Variants in NTM observed in about 807,000 individuals in gnomAD.
NTM encodes IgLON family member 2.
A neutral mutation model predicts 42.1 loss-of-function variants in NTM; 13 were observed. The ratio of observed to expected loss-of-function variants is 0.31; its 90% confidence interval spans 0.20 to 0.49. The LOEUF is 0.49. Among genes scored for constraint, NTM ranks in the 20% least tolerant of loss-of-function variants. The probability of loss-of-function intolerance (pLI) is 0.99; values close to 1 mark genes in which losing one functional copy is unlikely to be tolerated. For missense variants in NTM, 373 were observed against 452.8 expected, an observed-to-expected ratio of 0.82 and a Z score of 1.60; for synonymous variants, 187 against 179.2, an observed-to-expected ratio of 1.04 and a Z score of -0.35.
intron 1 of NTM, among the ~76,000 whole-genome samples, chr11:131,848,987 T>C (rs1252789915): frequency 6.6e-6 from 1 of 152,240 alleles, no homozygotes; most frequent in Non-Finnish European, 1.5e-5. Context: ...ACAATTTTGC[T>C]GCTTAGAAAA....
intron 7 of NTM, among the ~76,000 whole-genome samples, chr11:132,324,861 T>C (rs1040835863): frequency 0.012 from 1,805 of 150,024 alleles, 30 homozygotes; most frequent in African/African-American, 0.042. Flanking sequence ...TGAGAAATAA[T>C]GCCACATATC....
chr11:131,792,965 A>T (rs563607703), intron 1 of NTM, among the ~76,000 whole-genome samples: 62 of 152,322 alleles, frequency 4.1e-4, no homozygotes, highest in African/African-American at 1.3e-3. Context: ...GACAGTCTGG[A>T]TTGGATTCTC....
intron 7 of NTM, among the ~76,000 whole-genome samples, chr11:132,315,665 C>T (rs2095409812): frequency 6.6e-6 from 1 of 152,192 alleles, no homozygotes; most frequent in Admixed American, 6.5e-5. Flanking sequence ...ATGGCCCAGC[C>T]ATGTGCCCTC....
chr11:131,614,068 A>T (rs1204061992), intron 1 of NTM, among the ~76,000 whole-genome samples: 2 of 152,208 alleles, frequency 1.3e-5, no homozygotes, highest in Non-Finnish European at 2.9e-5. Context: ...TGGGTGCACC[A>T]TGGGGCGGAG....
intron 2 of NTM, among the ~76,000 whole-genome samples, chr11:132,015,059 G>A (rs1036310184): frequency 4.0e-4 from 61 of 151,804 alleles, no homozygotes; most frequent in African/African-American, 1.4e-3. Flanking sequence ...ATTTTGAGAT[G>A]GTTTTTTGAT....
intron 1 of NTM, among the ~76,000 whole-genome samples, chr11:131,473,718 C>T (rs142867993): frequency 1.4e-4 from 22 of 152,214 alleles, no homozygotes; most frequent in African/African-American, 5.3e-4. Flanking sequence ...CTCACTCTCT[C>T]TCCTGTTCCC....
chr11:132,065,311 G>A (rs2081278895), intron 2 of NTM, among the ~76,000 whole-genome samples: 1 of 152,164 alleles, frequency 6.6e-6, no homozygotes, highest in Non-Finnish European at 1.5e-5. Flanking sequence ...TCCTGCTGTT[G>A]AGTAATCATT....
chr11:132,087,073 T>C (rs1245603167), intron 2 of NTM, among the ~76,000 whole-genome samples: 2 of 152,158 alleles, frequency 1.3e-5, no homozygotes, highest in Non-Finnish European at 2.9e-5. Context: ...CATCCCTGGT[T>C]CCTTTCTCTT....
At chr11:131,969,811 T>C (rs1201126879) in intron 2 of NTM, among the ~76,000 whole-genome samples, 1 of 152,206 alleles carries the variant, frequency 6.6e-6, no homozygotes, top group African/African-American at 2.4e-5. Context: ...AGAGCGATGA[T>C]AAATTTTTTT....
chr11:131,996,441 C>T (rs2068042503), intron 2 of NTM, among the ~76,000 whole-genome samples: 2 of 152,166 alleles, frequency 1.3e-5, no homozygotes, highest in Non-Finnish European at 2.9e-5. Flanking sequence ...TATCGCCTGC[C>T]ACTGTGCAGT....
At chr11:131,814,396 C>T (rs2092862936) in intron 1 of NTM, among the ~76,000 whole-genome samples, 1 of 152,182 alleles carries the variant, frequency 6.6e-6, no homozygotes. Context: ...CCCAGCTGGT[C>T]CTTTGCCGAA....
intron 1 of NTM, among the ~76,000 whole-genome samples, chr11:131,443,731 G>A: frequency 6.6e-6 from 1 of 152,184 alleles, no homozygotes. Context: ...TAAAAGAAGA[G>A]TGACTTCCAT....
At chr11:131,911,094 G>T in intron 1 of NTM, 1 of 1,149,288 alleles carries the variant, frequency 8.7e-7, no homozygotes, top group Non-Finnish European at 1.1e-6. Flanking sequence ...TCCCCTTCTG[G>T]TACCAAAGTG....
At chr11:131,388,519 G>A (rs1337087025) in intron 1 of NTM, among the ~76,000 whole-genome samples, 1 of 150,368 alleles carries the variant, frequency 6.7e-6, no homozygotes, top group East Asian at 2.0e-4. Flanking sequence ...GTAAGTATTA[G>A]GTACTTAGTG....
intron 7 of NTM, among the ~76,000 whole-genome samples, chr11:132,316,124 C>A (rs2095422872): frequency 6.6e-6 from 1 of 151,462 alleles, no homozygotes; most frequent in Non-Finnish European, 1.5e-5. Flanking sequence ...CCCCCGCCAC[C>A]CCCCACTTTG....
At chr11:131,751,350 G>T (rs897417588) in intron 1 of NTM, among the ~76,000 whole-genome samples, 3 of 152,028 alleles carry the variant, frequency 2.0e-5, no homozygotes, top group Non-Finnish European at 4.4e-5. Flanking sequence ...CAGCACTTCG[G>T]GAGGCTGAGG....
At chr11:131,698,281 C>T (rs1169994946) in intron 1 of NTM, among the ~76,000 whole-genome samples, 1 of 152,122 alleles carries the variant, frequency 6.6e-6, no homozygotes, top group Non-Finnish European at 1.5e-5. Flanking sequence ...GGTGTACCCC[C>T]CACCCTACCC....
At chr11:131,670,647 G>A (rs2070016296) in intron 1 of NTM, among the ~76,000 whole-genome samples, 1 of 152,146 alleles carries the variant, frequency 6.6e-6, no homozygotes, top group East Asian at 1.9e-4. Flanking sequence ...AGGAGACAAG[G>A]CTAGGAGGCC....
chr11:132,189,663 C>G (rs1592117026), intron 3 of NTM, among the ~76,000 whole-genome samples: 1 of 149,792 alleles, frequency 6.7e-6, no homozygotes, highest in Non-Finnish European at 1.5e-5. Context: ...CACACACACA[C>G]ACACAGACAC....
Sources: allele counts gnomAD v4.1 joint callset (sites outside exome capture counted in the v4.1 genomes callset), GRCh38; gene constraint gnomAD v4.1.1; transcripts MANE v1.5; gene names NCBI Gene and HGNC (gene_info 2026-07-23, HGNC 2026-07-21).